Variants in CA10 observed in about 807,000 individuals in gnomAD.
CA10 encodes the protein carbonic anhydrase 10 (inactive), also known as carbonic anhydrase-related protein 10.
CA10 carries 14 observed loss-of-function variants against 44.2 expected under a neutral mutation model. That is an observed-to-expected ratio of 0.32 (90% confidence interval 0.21 to 0.50). CA10 has a LOEUF of 0.50. Ranked by LOEUF, CA10 falls within the 20% of genes least tolerant of loss-of-function variation. The probability of loss-of-function intolerance (pLI) is 0.99; values close to 1 mark genes in which losing one functional copy is unlikely to be tolerated. For missense variants in CA10, 350 were observed against 409.7 expected (o/e 0.85, Z 1.26); for synonymous variants, 159 against 141.6 (o/e 1.12, Z -0.87).
intron 4 of CA10, among the ~76,000 whole-genome samples, chr17:51,677,474 G>A (rs1233766271): frequency 6.6e-6 from 1 of 152,110 alleles, no homozygotes; most frequent in Non-Finnish European, 1.5e-5. Flanking sequence ...AGCAGATGCT[G>A]CCATGCTTCC....
intron 4 of CA10, among the ~76,000 whole-genome samples, chr17:51,660,169 T>C (rs1210342302): frequency 6.6e-6 from 1 of 152,066 alleles, no homozygotes; most frequent in African/African-American, 2.4e-5. Flanking sequence ...AACTCCTAAG[T>C]AAGGGAGGGT....
At chr17:52,020,883 T>G (rs1986117122) in intron 2 of CA10, among the ~76,000 whole-genome samples, 1 of 152,094 alleles carries the variant, frequency 6.6e-6, no homozygotes, top group Non-Finnish European at 1.5e-5. Flanking sequence ...TTAGCTACCA[T>G]GTATGTGTAC....
intron 6 of CA10, among the ~76,000 whole-genome samples, chr17:51,640,509 G>C (rs1224924463): frequency 6.6e-6 from 1 of 152,146 alleles, no homozygotes; most frequent in Non-Finnish European, 1.5e-5. Context: ...CATTTAACGT[G>C]TAATGTTTGT....
chr17:51,865,261 G>C (rs921635421), intron 3 of CA10, among the ~76,000 whole-genome samples: 1 of 152,094 alleles, frequency 6.6e-6, no homozygotes, highest in Non-Finnish European at 1.5e-5. Flanking sequence ...TTATTTGCTT[G>C]TCTCTCCCCC....
At chr17:51,869,697 G>A (rs1567867291) in intron 3 of CA10, among the ~76,000 whole-genome samples, 3 of 152,118 alleles carry the variant, frequency 2.0e-5, no homozygotes, top group Non-Finnish European at 4.4e-5. Flanking sequence ...ATCACTTGAG[G>A]TCAAGAGCTT....
At chr17:51,715,698 CT>C (rs796389908) in intron 4 of CA10, among the ~76,000 whole-genome samples, 1 of 149,880 alleles carries the variant, frequency 6.7e-6, no homozygotes, top group African/African-American at 2.4e-5. Context: ...TTCATTCATT[CT>C]TTTTTTTTTC....
chr17:51,936,257 T>G (rs553133144), intron 2 of CA10, among the ~76,000 whole-genome samples: 1 of 152,182 alleles, frequency 6.6e-6, no homozygotes. Flanking sequence ...CCTATTCTCA[T>G]GAATCTTGCA....
rs1354301204 is a variant in CA10 at position 51,630,901 on chromosome 17, G to GAGGGAAATAATTCCATT, written c.*666_*682dup. On this transcript the variant is annotated 3_prime_UTR_variant, in exon 9 of 9. Transcript: ENST00000451037. ...AATCCTACTACAGATATGTGACAAA[G>GAGGGAAATAATTCCATT]AGGGAAATAATTCCATTTCCTTATA... The GAGGGAAATAATTCCATT allele has an allele frequency of 6.5e-6, 1 of 152,686 alleles. No individual in the cohort carries two copies. The highest frequency in any genetic ancestry group is 1.5e-5 in the Non-Finnish European group (1 of 68,052). 9.5% of individuals were successfully genotyped at this position (152,686 alleles called of 1,614,324 possible).
At chr17:51,836,372 T>A (rs1449756077) in intron 3 of CA10, among the ~76,000 whole-genome samples, 2 of 152,242 alleles carry the variant, frequency 1.3e-5, no homozygotes, top group Non-Finnish European at 2.9e-5. Context: ...AGGTGCTCTA[T>A]GTAAAAGCAC....
At chr17:51,901,688 G>A (rs1981324682) in intron 3 of CA10, among the ~76,000 whole-genome samples, 1 of 151,964 alleles carries the variant, frequency 6.6e-6, no homozygotes, top group Non-Finnish European at 1.5e-5. Flanking sequence ...CTCTAGTCTG[G>A]GTGACAGAGT....
intron 3 of CA10, among the ~76,000 whole-genome samples, chr17:51,890,737 T>C (rs535601127): frequency 4.1e-4 from 62 of 152,316 alleles, no homozygotes; most frequent in African/African-American, 1.5e-3. Context: ...GTATATATAG[T>C]GCACTGTGCT....
chr17:51,788,560 A>C (rs565384107), intron 3 of CA10, among the ~76,000 whole-genome samples: 1 of 152,370 alleles, frequency 6.6e-6, no homozygotes, highest in African/African-American at 2.4e-5. Flanking sequence ...ATCATTACAC[A>C]TTGGATGCAT....
At chr17:51,695,817 C>T (rs1597991304) in intron 4 of CA10, among the ~76,000 whole-genome samples, 1 of 152,088 alleles carries the variant, frequency 6.6e-6, no homozygotes, top group East Asian at 1.9e-4. Flanking sequence ...TAGATGGCTC[C>T]TATTATTTTG....
At chr17:52,009,625 G>A (rs941015696) in intron 2 of CA10, among the ~76,000 whole-genome samples, 1 of 151,980 alleles carries the variant, frequency 6.6e-6, no homozygotes, top group South Asian at 2.1e-4. Context: ...ATTATAATTT[G>A]TTGGATAATT....
chr17:51,652,950 A>C (rs1044862892), intron 5 of CA10, among the ~76,000 whole-genome samples: 2 of 152,170 alleles, frequency 1.3e-5, no homozygotes, highest in Non-Finnish European at 2.9e-5. Flanking sequence ...TTTATTAAAA[A>C]ATTTGCATAC....
chr17:51,786,443 T>C (rs974218215), intron 3 of CA10, among the ~76,000 whole-genome samples: 2 of 152,110 alleles, frequency 1.3e-5, no homozygotes, highest in African/African-American at 4.8e-5. Flanking sequence ...TCCCAGCTAT[T>C]TGGGAGGCTG....
chr17:52,062,858 G>A (rs544805780), intron 2 of CA10, among the ~76,000 whole-genome samples: 1 of 152,240 alleles, frequency 6.6e-6, no homozygotes, highest in Non-Finnish European at 1.5e-5. Context: ...GTGCCCAGGG[G>A]AGCTGTGGGA....
chr17:51,875,562 T>C (rs1980033522), intron 3 of CA10, among the ~76,000 whole-genome samples: 1 of 152,246 alleles, frequency 6.6e-6, no homozygotes, highest in African/African-American at 2.4e-5. Flanking sequence ...ATCTGGGTTC[T>C]ATTCTTTATA....
chr17:51,729,733 A>G lies in CA10; in HGVS notation c.465+17900T>C, dbSNP rs116705977. Among the ~76,000 whole-genome samples, 885 of 152,322 alleles carry G rather than the reference A, an allele frequency of 5.8e-3. 6 individuals carry two copies. The highest frequency in any genetic ancestry group is 0.02 in the African/African-American group (840 of 41,576). ...CCTCCTACCAGCTGGCATGAGTTAT[A>G]TGATATCATATAGTTTCTACTAAAC... On this transcript the variant is annotated intron_variant, in intron 4 of 8. Transcript: ENST00000451037.
Sources: allele counts gnomAD v4.1 joint callset (sites outside exome capture counted in the v4.1 genomes callset), GRCh38; gene constraint gnomAD v4.1.1; transcripts MANE v1.5; gene names NCBI Gene and HGNC (gene_info 2026-07-23, HGNC 2026-07-21).